The following TNN variants were observed in gnomAD, a reference collection of about 807,000 sequenced individuals.
TNN encodes tenascin N.
In TNN, 122 loss-of-function variants were observed where a neutral mutation model predicts 134.4. The observed-to-expected ratio is 0.91, with a 90% CI of 0.78 to 1.06. The LOEUF (loss-of-function observed/expected upper bound fraction) is 1.06. Ranked by LOEUF, TNN falls within the 50% of genes least tolerant of loss-of-function variation. The pLI, the probability that TNN is intolerant of heterozygous loss-of-function variation, is 0.00. For missense variants in TNN, 1,739 were observed against 1,699.4 expected (o/e 1.02, Z -0.41); for synonymous variants, 710 against 670.3 (o/e 1.06, Z -0.91).
At position 175,144,575 on chromosome 1, in the gene TNN, C is replaced by T. The variant is rs1193064722; in HGVS notation, c.3759+25C>T. 3 of 1,611,346 alleles carry T rather than the reference C, an allele frequency of 1.9e-6. No individual in the cohort carries two copies. In the Admixed American group the frequency reaches 5.0e-5, roughly 27 times the overall value. On this transcript the variant is annotated intron_variant, in intron 18 of 18. Transcript: ENST00000239462. ...GGTAGGTGACAGGTGAATGTCTTTT[C>T]TGTCCCAGGGTATGTCCATATTCAG...
rs781191151 is a variant in TNN, at chr1:175,077,511, C to T, written c.93C>T (p.Pro31=). 33 of 1,613,922 alleles carry T rather than the reference C, an allele frequency of 2.0e-5. No homozygotes were observed. The highest frequency in any genetic ancestry group is 1.8e-4 in the South Asian group (16 of 91,088). ...VASAPATLEP[P]GCSNKEQQVT... ...CGGCCCCAGCCACTCTGGAGCCTCC[C>T]GGCTGCAGCAACAAGGAGCAACAGG... The change falls in exon 2 of 19, where the codon CCC becomes CCT. Residue 31 remains proline (P), a synonymous_variant. Coordinates refer to ENST00000239462, the MANE Select transcript of TNN (RefSeq NM_022093.2).
At chr1:175,116,826 T>C (rs1350949042) in intron 9 of TNN, 113 bp from the exon 10 acceptor site, 34 of 1,422,318 alleles carry the variant, frequency 2.4e-5, no homozygotes, top group Non-Finnish European at 2.9e-5. Flanking sequence ...AACCAGCATA[T>C]GATATGGAGA....
chr1:175,114,018 C>T (rs1057127130), intron 9 of TNN, among the ~76,000 whole-genome samples: 2 of 152,088 alleles, frequency 1.3e-5, no homozygotes, highest in African/African-American at 4.8e-5. Context: ...TCCTTAAGAT[C>T]ATTATTTTGA....
At chr1:175,106,784 G>A (rs902040856) in intron 9 of TNN, among the ~76,000 whole-genome samples, 2 of 145,536 alleles carry the variant, frequency 1.4e-5, no homozygotes, top group Non-Finnish European at 3.0e-5. Context: ...GTCAACCCAC[G>A]GCTCAGCCCA....
intron 9 of TNN, among the ~76,000 whole-genome samples, chr1:175,110,731 C>T (rs1243869421): frequency 1.3e-5 from 2 of 152,038 alleles, no homozygotes; most frequent in Non-Finnish European, 2.9e-5. Flanking sequence ...CCTATGTGTC[C>T]GTTTTTATGC....
At chr1:175,130,735 T>G (rs1675655982) in intron 15 of TNN, among the ~76,000 whole-genome samples, 1 of 152,180 alleles carries the variant, frequency 6.6e-6, no homozygotes, top group South Asian at 2.1e-4. Context: ...CTTCATGTAC[T>G]CAAGATCCAG....
intron 9 of TNN, among the ~76,000 whole-genome samples, chr1:175,102,599 G>A (rs1028333919): frequency 3.4e-5 from 5 of 145,878 alleles, no homozygotes; most frequent in South Asian, 2.3e-4. Flanking sequence ...CTCTGAGTGC[G>A]GGGCCCTCCA....
rs1675428602 is a variant in TNN, at chr1:175,123,443, G to A, written c.2694G>A (p.Glu898=). 6.2e-7 allele frequency: 1 copy of A among 1,614,220 alleles called. No homozygotes were observed. The highest frequency in any genetic ancestry group is 8.5e-7 in the Non-Finnish European group (1 of 1,180,038). The part of the protein sequence containing the change: ...PKNLVTDWVT[E]NMATVSWDPV... ...ACCTAGTGACTGACTGGGTGACGGA[G>A]AATATGGCCACTGTCTCCTGGGACC... The change falls in exon 12 of 19, where the codon GAG becomes GAA. Residue 898 remains glutamate, a synonymous_variant. Transcript: ENST00000239462.
chr1:175,067,982 T>C (rs1458402285), intron 1 of TNN, 47 bp downstream of exon 1: 1 of 457,998 alleles, frequency 2.2e-6, no homozygotes, highest in East Asian at 6.9e-5. Flanking sequence ...GGGAGGGAGG[T>C]GGCCAATGCA....
chr1:175,137,799 A>G (rs776182216), intron 17 of TNN, among the ~76,000 whole-genome samples: 1 of 152,260 alleles, frequency 6.6e-6, no homozygotes, highest in Non-Finnish European at 1.5e-5. Context: ...GTATTTACAC[A>G]GGAATGTGTT....
chr1:175,123,605 C>A lies in TNN; in HGVS notation c.2856C>A (p.His952Gln), dbSNP rs138474300. 3 of 1,614,128 alleles carry A rather than the reference C, an allele frequency of 1.9e-6. No homozygotes were observed. The highest frequency in any genetic ancestry group is 2.7e-5 in the African/African-American group (2 of 75,018). Residue 952 changes from histidine (H) to glutamine (Q), a missense_variant, in exon 12 of 19, where the codon CAC becomes CAA. Coordinates refer to ENST00000239462, the MANE Select transcript of TNN (RefSeq NM_022093.2). Reference protein sequence around the residue: ...GLRPGMEYMVHVWAQKGAQES... With the variant: ...GLRPGMEYMVQVWAQKGAQES... ...GACCAGGCATGGAGTACATGGTGCA[C>A]GTGTGGGCCCAGAAGGGGGCCCAGG...
chr1:175,128,867 G>A, intron 15 of TNN, 121 bp downstream of exon 15: 1 of 1,149,618 alleles, frequency 8.7e-7, no homozygotes, highest in Non-Finnish European at 1.1e-6. Context: ...ATGGAAGAGA[G>A]GAGTTTTGGT....
chr1:175,082,670 A>G (rs1674223953), intron 4 of TNN, among the ~76,000 whole-genome samples: 1 of 152,154 alleles, frequency 6.6e-6, no homozygotes, highest in African/African-American at 2.4e-5. Flanking sequence ...GGACCTTGAG[A>G]TCACTGAGTT....
intron 11 of TNN, among the ~76,000 whole-genome samples, chr1:175,121,791 T>A (rs1355702827): frequency 6.6e-6 from 1 of 152,198 alleles, no homozygotes; most frequent in Non-Finnish European, 1.5e-5. Context: ...CATGGGAGAT[T>A]GGACTACCAT....
chr1:175,144,363 G>A lies in TNN; in HGVS notation c.3596-24G>A, dbSNP rs370835818. ...CCTCGGTGGCTAACCCTGGGCTCTCGCCTCCGTCTCTTCTCTCCTGCAGGG... is the reference window on the plus strand; with the variant it reads ...CCTCGGTGGCTAACCCTGGGCTCTCACCTCCGTCTCTTCTCTCCTGCAGGG... On this transcript the variant is annotated intron_variant, in intron 17 of 18. Coordinates refer to ENST00000239462, the MANE Select transcript of TNN (RefSeq NM_022093.2). 326 of 1,609,214 alleles carry A rather than the reference G, an allele frequency of 2.0e-4. No homozygotes were observed. In the African/African-American group the frequency reaches 3.6e-3, roughly 18 times the overall value.
chr1:175,147,140 G>A lies in TNN; in HGVS notation c.*69G>A. On this transcript the variant is annotated 3_prime_UTR_variant, in exon 19 of 19. Transcript: ENST00000239462. ...GCAGCTTGGGGCGGGGTGGGTAGTG[G>A]TCACTGCGGTCTGGGAGTGCTCAGA... The A allele has an allele frequency of 7.1e-7, 1 of 1,399,322 alleles. No homozygotes were observed. The highest frequency in any genetic ancestry group is 2.5e-5 in the East Asian group (1 of 40,216). The allele number at this position is 1,399,322 out of a possible 1,614,324, so 86.7% of individuals were successfully genotyped here.
intron 11 of TNN, among the ~76,000 whole-genome samples, chr1:175,121,700 T>C (rs1414162919): frequency 1.1e-5 from 1 of 91,138 alleles, no homozygotes; most frequent in Non-Finnish European, 2.5e-5. Context: ...TTTTGAGGTA[T>C]GGATGATAAT....
rs754464448 is a variant in TNN at position 175,079,626 on chromosome 1, G to C, written c.703G>C (p.Gly235Arg). The C allele has an allele frequency of 4.4e-6, 7 of 1,604,414 alleles. No individual in the cohort carries two copies. The Admixed American group carries it at 8.5e-5, about 19-fold the overall frequency. ...GGACTGCAGCGAGAAGCGCTGTCCC[G>C]GCGACTGCAGCGGCCACGGCTTCTG... ...SEDCSEKRCP[G>R]DCSGHGFCDT... The change falls in exon 3 of 19, where the codon GGC becomes CGC. Residue 235 changes from glycine to arginine, a missense_variant. Physicochemically the swap from Gly to Arg is moderately radical, Grantham distance 125 (BLOSUM62 -2). Transcript: ENST00000239462.
intron 17 of TNN, among the ~76,000 whole-genome samples, chr1:175,139,613 G>A (rs1337194324): frequency 1.5e-5 from 1 of 68,852 alleles, no homozygotes; most frequent in Admixed American, 1.7e-4. Context: ...CTGTTTTACA[G>A]GATTTTTTTT....
Sources: allele counts gnomAD v4.1 joint callset (sites outside exome capture counted in the v4.1 genomes callset), GRCh38; gene constraint gnomAD v4.1.1; transcripts MANE v1.5; gene names NCBI Gene and HGNC (gene_info 2026-07-23, HGNC 2026-07-21).